NCK1: variants seen among roughly 807,000 people sequenced by gnomAD.
NCK1 encodes NCK adaptor protein 1.
A neutral mutation model predicts 36.6 loss-of-function variants in NCK1; 19 were observed. The ratio of observed to expected loss-of-function variants is 0.52; its 90% CI spans 0.36 to 0.76. The LOEUF (loss-of-function observed/expected upper bound fraction) is 0.76. Among genes scored for constraint, NCK1 ranks in the 30% least tolerant of loss-of-function variants. The probability of loss-of-function intolerance (pLI) is 0.00; values close to 1 mark genes in which losing one functional copy is unlikely to be tolerated. For synonymous variants in NCK1, 165 were observed against 156.0 expected (o/e 1.06, Z -0.43); for missense variants, 358 against 445.6 (o/e 0.80, Z 1.77).
At chr3:136,944,111 CCTTTTTTTT>C (rs1487044150) in intron 2 of NCK1, among the ~76,000 whole-genome samples, 10 of 80,924 alleles carry the variant, frequency 1.2e-4, no homozygotes, top group East Asian at 9.0e-4. Flanking sequence ...GGAAAAACAA[CCTTTTTTTT>C]TTTTTTTTTT....
intron 2 of NCK1, among the ~76,000 whole-genome samples, chr3:136,941,217 C>G (rs1193854500): frequency 4.6e-5 from 7 of 150,838 alleles, no homozygotes; most frequent in Non-Finnish European, 1.5e-5. Context: ...CCTCTGCCTC[C>G]CAGGTTCAAG....
At chr3:136,926,883 A>G (rs1940254755) in intron 1 of NCK1, among the ~76,000 whole-genome samples, 2 of 152,088 alleles carry the variant, frequency 1.3e-5, no homozygotes, top group Admixed American at 6.6e-5. Context: ...TTTGTTTTCT[A>G]TTTGGAAGCA....
At chr3:136,914,720 C>T (rs188275849) in intron 1 of NCK1, among the ~76,000 whole-genome samples, 1 of 152,252 alleles carries the variant, frequency 6.6e-6, no homozygotes, top group East Asian at 1.9e-4. Flanking sequence ...TGGCTTCCAG[C>T]CAGAAGATAT....
intron 1 of NCK1, among the ~76,000 whole-genome samples, chr3:136,881,009 T>A (rs1264331933): frequency 1.3e-5 from 2 of 152,196 alleles, no homozygotes; most frequent in Admixed American, 1.3e-4. Flanking sequence ...TTTCATTAAA[T>A]GATATTGCCA....
rs886203242 is a variant in NCK1 at position 136,895,180 on chromosome 3, AT to A, written c.-18-32796del. Among the ~76,000 whole-genome samples the A allele has an allele frequency of 1.8e-3, 270 of 152,064 alleles. 1 individual carries two copies. The highest frequency in any genetic ancestry group is 5.5e-3 in the African/African-American group (229 of 41,504). On this transcript the variant is annotated intron_variant, in intron 1 of 3. Coordinates refer to ENST00000481752, the MANE Select transcript of NCK1 (RefSeq NM_001291999.2). Reference sequence around the variant, plus strand: ...ATGAGCCACTGCGCCCAGCAAGCTGATTTTTTTTGATAATAGGGATGTGATA... The same window carrying A: ...ATGAGCCACTGCGCCCAGCAAGCTGATTTTTTTGATAATAGGGATGTGATA...
At chr3:136,930,623 G>T in intron 2 of NCK1, 1 of 1,396,594 alleles carries the variant, frequency 7.2e-7, no homozygotes, top group Non-Finnish European at 9.4e-7. Flanking sequence ...TAAATCCACT[G>T]TTTTCTTGAA....
At chr3:136,926,150 C>CTCATTTTCTAGTTGGATT (rs1406182072) in intron 1 of NCK1, among the ~76,000 whole-genome samples, 1 of 151,786 alleles carries the variant, frequency 6.6e-6, no homozygotes, top group Non-Finnish European at 1.5e-5. Context: ...TGTTTTTTTG[C>CTCATTTTCTAGTTGGATT]TCATTTTCTA....
At chr3:136,870,514 G>GT (rs1291709395) in intron 1 of NCK1, among the ~76,000 whole-genome samples, 7 of 151,458 alleles carry the variant, frequency 4.6e-5, no homozygotes, top group Non-Finnish European at 7.4e-5. Context: ...GGGCTGGGCA[G>GT]TTTTTTTTGG....
intron 1 of NCK1, among the ~76,000 whole-genome samples, chr3:136,864,362 G>C (rs144132680): frequency 0.026 from 3,959 of 151,802 alleles, 81 homozygotes; most frequent in Non-Finnish European, 0.039. Flanking sequence ...GTGGTGGCAC[G>C]CACCTGTAAT....
At chr3:136,943,249 C>T (rs1940723487) in intron 2 of NCK1, among the ~76,000 whole-genome samples, 1 of 152,054 alleles carries the variant, frequency 6.6e-6, no homozygotes, top group Non-Finnish European at 1.5e-5. Context: ...CCTTGGAGTT[C>T]CTTACTCTAC....
intron 2 of NCK1, among the ~76,000 whole-genome samples, chr3:136,943,001 G>A (rs1008003043): frequency 2.0e-5 from 3 of 152,180 alleles, no homozygotes; most frequent in African/African-American, 7.2e-5. Flanking sequence ...GGCATTAGGA[G>A]TGCAGGTTAC....
chr3:136,867,569 C>T (rs1244601159), intron 1 of NCK1: 1 of 151,768 alleles, frequency 6.6e-6, no homozygotes, highest in Non-Finnish European at 1.5e-5. Flanking sequence ...TAAACCCATA[C>T]CCCTTATTAT....
intron 2 of NCK1, among the ~76,000 whole-genome samples, chr3:136,935,199 C>T (rs1164764500): frequency 6.6e-6 from 1 of 152,122 alleles, no homozygotes; most frequent in Admixed American, 6.5e-5. Flanking sequence ...CGTGCTGGGC[C>T]ATTCTTTTTT....
At chr3:136,867,100 C>CCCTATGTTGCTTGCT (rs1938451280) in intron 1 of NCK1, among the ~76,000 whole-genome samples, 1 of 38,794 alleles carries the variant, frequency 2.6e-5, no homozygotes, top group African/African-American at 9.1e-5. Flanking sequence ...TTCTTTCTTT[C>CCCTATGTTGCTTGCT]TTTCTTTCTT....
chr3:136,945,065 C>T (rs1158233631), intron 2 of NCK1, among the ~76,000 whole-genome samples: 1 of 152,114 alleles, frequency 6.6e-6, no homozygotes, highest in Admixed American at 6.5e-5. Flanking sequence ...CTACCTGGGT[C>T]TGGGAACCAA....
chr3:136,907,031 C>T (rs1041236010), intron 1 of NCK1, among the ~76,000 whole-genome samples: 52 of 152,222 alleles, frequency 3.4e-4, no homozygotes, highest in African/African-American at 1.2e-3. Context: ...CTGGTGGCAA[C>T]AGCAGGGCTT....
intron 1 of NCK1, among the ~76,000 whole-genome samples, chr3:136,888,517 C>G (rs529758549): frequency 5.9e-4 from 90 of 152,154 alleles, no homozygotes; most frequent in African/African-American, 2.0e-3. Flanking sequence ...ATTCTCCTGC[C>G]TCAGCCTCCG....
At chr3:136,943,546 G>C (rs1940731179) in intron 2 of NCK1, among the ~76,000 whole-genome samples, 1 of 152,240 alleles carries the variant, frequency 6.6e-6, no homozygotes, top group African/African-American at 2.4e-5. Flanking sequence ...CCTTGGAATA[G>C]AGAGGAAGGT....
At chr3:136,908,241 A>G (rs184824856) in intron 1 of NCK1, among the ~76,000 whole-genome samples, 36 of 152,352 alleles carry the variant, frequency 2.4e-4, no homozygotes, top group Admixed American at 2.0e-3. Context: ...TCATATTAAC[A>G]TTCCTTCACC....
Sources: allele counts gnomAD v4.1 joint callset (sites outside exome capture counted in the v4.1 genomes callset), GRCh38; gene constraint gnomAD v4.1.1; transcripts MANE v1.5; gene names NCBI Gene and HGNC (gene_info 2026-07-23, HGNC 2026-07-21).